Variants in AGAP1 observed in about 807,000 individuals in gnomAD.
The protein encoded by AGAP1 is arf-GAP with GTPase, ANK repeat and PH domain-containing protein 1.
A neutral mutation model predicts 105.3 loss-of-function variants in AGAP1; 29 were observed. That is an observed-to-expected ratio of 0.28 (90% confidence interval 0.21 to 0.38). The LOEUF (loss-of-function observed/expected upper bound fraction) is 0.38. Among genes scored for constraint, AGAP1 ranks in the 10% least tolerant of loss-of-function variants. The pLI, the probability that AGAP1 is intolerant of heterozygous loss-of-function variation, is 1.00. For missense variants in AGAP1, 998 were observed against 1,165.1 expected (o/e 0.86, Z 2.09); for synonymous variants, 509 against 485.9 (o/e 1.05, Z -0.63).
intron 9 of AGAP1, among the ~76,000 whole-genome samples, chr2:235,850,870 G>C (rs1209042648): frequency 6.6e-6 from 1 of 152,220 alleles, no homozygotes; most frequent in East Asian, 1.9e-4. Context: ...TGGGTTTCCA[G>C]GTCCAAGTCC....
intron 1 of AGAP1, among the ~76,000 whole-genome samples, chr2:235,527,720 A>G (rs960060393): frequency 1.3e-5 from 2 of 152,266 alleles, no homozygotes; most frequent in African/African-American, 4.8e-5. Context: ...TGTTCGTTGT[A>G]GGATTATTCA....
intron 9 of AGAP1, among the ~76,000 whole-genome samples, chr2:235,819,890 T>C (rs892256197): frequency 4.2e-5 from 6 of 144,544 alleles, no homozygotes; most frequent in Non-Finnish European, 9.2e-5. Context: ...GGCTTTTTTT[T>C]TTCTTCTTTC....
rs1002426887 is a variant in AGAP1, at chr2:236,128,274, C to T, written c.*4152C>T. ...GAGGCGAGGAAGGGGCTGAGTTCTGCCCTCGTGCTGTTCGCTGGTGCTGAT... is the reference window on the plus strand; with the variant it reads ...GAGGCGAGGAAGGGGCTGAGTTCTGTCCTCGTGCTGTTCGCTGGTGCTGAT... On this transcript the variant is annotated 3_prime_UTR_variant, in exon 18 of 18. Coordinates refer to ENST00000304032, the MANE Select transcript of AGAP1 (RefSeq NM_001037131.3). The surrounding 1 kb of genome is among the most constrained non-coding windows in gnomAD (Gnocchi z 5.9). The T allele has an allele frequency of 1.3e-5, 2 of 152,616 alleles. No homozygotes were observed. The highest frequency in any genetic ancestry group is 1.5e-5 in the Non-Finnish European group (1 of 68,226). The allele number at this position is 152,616 out of a possible 1,614,324, so 9.5% of individuals were successfully genotyped here. A position where few individuals can be genotyped will look rare whatever the true frequency, so the allele number is the denominator to read the frequency against.
chr2:235,776,924 C>T, intron 6 of AGAP1: 1 of 471,076 alleles, frequency 2.1e-6, no homozygotes, highest in Non-Finnish European at 4.4e-6. Context: ...CTGGAATCAG[C>T]CTCGGAGCAG....
chr2:235,804,894 T>C (rs1268413074), intron 8 of AGAP1, among the ~76,000 whole-genome samples: 3 of 152,204 alleles, frequency 2.0e-5, no homozygotes, highest in Non-Finnish European at 4.4e-5. Flanking sequence ...GGCTGCCTTG[T>C]GTCTGATGAT....
intron 4 of AGAP1, among the ~76,000 whole-genome samples, chr2:235,743,656 T>G (rs1952718628): frequency 6.6e-6 from 1 of 152,160 alleles, no homozygotes; most frequent in African/African-American, 2.4e-5. Flanking sequence ...CACTTTTCAC[T>G]TACATGCAGA....
intron 16 of AGAP1, among the ~76,000 whole-genome samples, chr2:236,093,913 T>TATAAAAACACAACAGAACACTTTTTAG (rs2059125693): frequency 1.3e-5 from 2 of 152,136 alleles, no homozygotes; most frequent in African/African-American, 4.8e-5. Context: ...CTGAGAAACA[T>TATAAAAACACAACAGAACACTTTTTAG]ATAAAAACAC....
At chr2:235,890,951 A>AAAAAAAAAAAAAC (rs1197147623) in intron 10 of AGAP1, among the ~76,000 whole-genome samples, 2 of 151,932 alleles carry the variant, frequency 1.3e-5, no homozygotes, top group East Asian at 3.9e-4. Flanking sequence ...TCAAAAAAAA[A>AAAAAAAAAAAAAC]AACACCTCAG....
Position 235,859,931 on chromosome 2 carries a change from T to C in AGAP1, c.1051-23414T>C, listed in dbSNP as rs144674878. Among the ~76,000 whole-genome samples the C allele has an allele frequency of 5.8e-3, 878 of 152,304 alleles. 7 individuals are homozygous for C. The highest frequency in any genetic ancestry group is 0.02 in the African/African-American group (819 of 41,574). Reference sequence around the variant, plus strand: ...GCCTTCCACCAGCAAGCAGAGGTTGTATGGCCACTGCGAATGTCTCTTGTA... The same window carrying C: ...GCCTTCCACCAGCAAGCAGAGGTTGCATGGCCACTGCGAATGTCTCTTGTA... On this transcript the variant is annotated intron_variant, in intron 9 of 17. Coordinates refer to ENST00000304032, the MANE Select transcript of AGAP1 (RefSeq NM_001037131.3).
intron 16 of AGAP1, among the ~76,000 whole-genome samples, chr2:236,107,385 G>T (rs1260131492): frequency 6.6e-6 from 1 of 152,166 alleles, no homozygotes; most frequent in Admixed American, 6.5e-5. Flanking sequence ...CTCCCTGCCG[G>T]GCTGCTGTGG....
At chr2:235,533,849 G>A (rs1205011608) in intron 1 of AGAP1, among the ~76,000 whole-genome samples, 1 of 152,250 alleles carries the variant, frequency 6.6e-6, no homozygotes, top group South Asian at 2.1e-4. Flanking sequence ...TTGGGCTTGG[G>A]GATAATGGTC....
intron 16 of AGAP1, among the ~76,000 whole-genome samples, chr2:236,115,718 C>G (rs13383138): frequency 6.6e-6 from 1 of 152,188 alleles, no homozygotes; most frequent in East Asian, 1.9e-4. Context: ...GTGGCTGCCC[C>G]AACTCCCTGG....
At chr2:235,782,880 A>G (rs541116088) in intron 6 of AGAP1, among the ~76,000 whole-genome samples, 1 of 152,306 alleles carries the variant, frequency 6.6e-6, no homozygotes, top group East Asian at 1.9e-4. Flanking sequence ...GTTGAAGTAT[A>G]CCTTTTCCAA....
Position 235,891,703 on chromosome 2 carries a change from T to C in AGAP1, c.1155+8254T>C, listed in dbSNP as rs1403874973. On this transcript the variant is annotated intron_variant, in intron 10 of 17. Coordinates refer to ENST00000304032, the MANE Select transcript of AGAP1 (RefSeq NM_001037131.3). This position sits in a 1 kb window ranked among gnomAD's most constrained non-coding sequence, Gnocchi z 4.2. Reference sequence around the variant, plus strand: ...AAGGATGAGCTGAGTGGCCTCACGGTCAAGCCAAGGACTTCAAGGTGCCCC... The same window carrying C: ...AAGGATGAGCTGAGTGGCCTCACGGCCAAGCCAAGGACTTCAAGGTGCCCC... Among the ~76,000 whole-genome samples, 1 of 152,228 alleles carries C rather than the reference T, an allele frequency of 6.6e-6. No individual in the cohort carries two copies. Among genetic ancestry groups the C allele is most frequent in the Admixed American group, 6.5e-5 (1 of 15,304 alleles).
At chr2:235,783,986 A>C (rs529969698) in intron 6 of AGAP1, among the ~76,000 whole-genome samples, 1 of 152,296 alleles carries the variant, frequency 6.6e-6, no homozygotes, top group African/African-American at 2.4e-5. Context: ...GGACGGATGG[A>C]CGGACGGATG....
intron 13 of AGAP1, among the ~76,000 whole-genome samples, chr2:236,016,936 A>C (rs1267051485): frequency 6.6e-6 from 1 of 152,106 alleles, no homozygotes; most frequent in East Asian, 1.9e-4. Flanking sequence ...CTTTGGGTTT[A>C]TTTTAAGATT....
chr2:236,048,728 C>T (rs945075929), intron 15 of AGAP1, among the ~76,000 whole-genome samples: 2 of 152,206 alleles, frequency 1.3e-5, no homozygotes, highest in East Asian at 1.9e-4. Flanking sequence ...GTGCTTTTTC[C>T]CACACAGGTC....
chr2:235,681,558 G>A (rs1041043663), intron 1 of AGAP1, among the ~76,000 whole-genome samples: 12 of 152,190 alleles, frequency 7.9e-5, no homozygotes, highest in Admixed American at 6.5e-4. Context: ...ACCTGTTAAA[G>A]TTTAAAGGCT....
At chr2:235,764,237 C>T (rs1357874480) in intron 6 of AGAP1, among the ~76,000 whole-genome samples, 1 of 152,226 alleles carries the variant, frequency 6.6e-6, no homozygotes, top group African/African-American at 2.4e-5. Flanking sequence ...ACTGCCAGTT[C>T]CTTGAGCATG....
Sources: allele counts gnomAD v4.1 joint callset (sites outside exome capture counted in the v4.1 genomes callset), GRCh38; gene constraint gnomAD v4.1.1; non-coding constraint Gnocchi (gnomAD v3.1); transcripts MANE v1.5; gene names NCBI Gene and HGNC (gene_info 2026-07-23, HGNC 2026-07-21).